SBF2: variants seen among roughly 807,000 people sequenced by gnomAD.
The protein encoded by SBF2 is SET binding factor 2, also known as myotubularin-related protein 13.
SBF2 carries 112 observed loss-of-function variants against 225.2 expected under a neutral mutation model. The ratio of observed to expected loss-of-function variants is 0.50; its 90% CI spans 0.43 to 0.58. The LOEUF is 0.58. Ranked by LOEUF, SBF2 falls within the 20% of genes least tolerant of loss-of-function variation. The pLI is 0.00. For synonymous variants in SBF2, 763 were observed against 773.3 expected, an observed-to-expected ratio of 0.99 and a Z score of 0.22; for missense variants, 1,996 against 2,206.2, an observed-to-expected ratio of 0.90 and a Z score of 1.91.
In SBF2 at chr11:9,916,726, A is replaced by G. The variant is rs923991150; in HGVS notation, c.1861-20715T>C. On this transcript the variant is annotated intron_variant, in intron 16 of 39. Coordinates refer to ENST00000256190, the MANE Select transcript of SBF2 (RefSeq NM_030962.4). ...GATCCTCCTGCTCAGCCTCCTGAGT[A>G]GCTGAGATTACACACATCTGGCTAA... 5.2e-4 allele frequency among the ~76,000 whole-genome samples: 79 copies of G among 151,356 alleles called. 1 individual carries two copies. Among genetic ancestry groups the G allele is most frequent in the Non-Finnish European group, 1.3e-4 (9 of 67,938 alleles).
chr11:10,203,383 C>T (rs142546433), intron 1 of SBF2, among the ~76,000 whole-genome samples: 17 of 152,274 alleles, frequency 1.1e-4, no homozygotes, highest in African/African-American at 4.1e-4. Context: ...GGTATTATTG[C>T]CTCAGTGTGA....
chr11:9,829,906 A>G (rs1247478754), intron 27 of SBF2, among the ~76,000 whole-genome samples: 5 of 152,354 alleles, frequency 3.3e-5, no homozygotes, highest in African/African-American at 1.2e-4. Context: ...ATTGCTTGGG[A>G]GTGGGTTCCT....
chr11:9,983,789 C>T (rs1947067162), intron 13 of SBF2, among the ~76,000 whole-genome samples: 1 of 152,164 alleles, frequency 6.6e-6, no homozygotes, highest in South Asian at 2.1e-4. Flanking sequence ...CAGCCTGGAG[C>T]CAGGGAGACT....
intron 1 of SBF2, among the ~76,000 whole-genome samples, chr11:10,257,269 T>C (rs970137563): frequency 1.3e-5 from 2 of 152,060 alleles, no homozygotes; most frequent in Non-Finnish European, 2.9e-5. Context: ...CCTACCTCTT[T>C]CCCCACAAAA....
At chr11:10,262,984 T>A (rs966977499) in intron 1 of SBF2, among the ~76,000 whole-genome samples, 5 of 152,094 alleles carry the variant, frequency 3.3e-5, no homozygotes, top group South Asian at 4.1e-4. Flanking sequence ...AGTAATGACA[T>A]TCTTTAAAAT....
At chr11:10,172,315 G>C (rs556945797) in intron 2 of SBF2, among the ~76,000 whole-genome samples, 1 of 151,562 alleles carries the variant, frequency 6.6e-6, no homozygotes, top group Admixed American at 6.6e-5. Context: ...TATTCCATAG[G>C]TTTTGGTATG....
intron 17 of SBF2, among the ~76,000 whole-genome samples, chr11:9,883,824 A>C (rs377468277): frequency 2.0e-5 from 3 of 152,170 alleles, no homozygotes; most frequent in East Asian, 3.8e-4. Flanking sequence ...TTAGAACCCT[A>C]AACTTACAGA....
chr11:10,063,365 TA>T (rs1950516655), intron 2 of SBF2, among the ~76,000 whole-genome samples: 3 of 109,654 alleles, frequency 2.7e-5, no homozygotes, highest in South Asian at 5.7e-4. Flanking sequence ...TTTTTTATTT[TA>T]TTTTTTTTTG....
intron 2 of SBF2, among the ~76,000 whole-genome samples, chr11:10,143,241 G>A (rs146104475): frequency 0.081 from 12,249 of 151,694 alleles, 664 homozygotes; most frequent in Middle Eastern, 0.12. Flanking sequence ...GCGCAATCTC[G>A]GCTCACCGTA....
chr11:10,217,035 G>A (rs552217722), intron 1 of SBF2, among the ~76,000 whole-genome samples: 1 of 152,234 alleles, frequency 6.6e-6, no homozygotes, highest in African/African-American at 2.4e-5. Context: ...CACTTTCCTT[G>A]CCTTTCATAG....
chr11:10,005,393 G>A lies in SBF2; in HGVS notation c.620-2704C>T, dbSNP rs984248794. Among the ~76,000 whole-genome samples the A allele has an allele frequency of 2.6e-5, 4 of 152,260 alleles. No homozygotes were observed. The East Asian group carries it at 7.7e-4, about 29-fold the overall frequency. On this transcript the variant is annotated intron_variant, in intron 6 of 39. Transcript: ENST00000256190. ...CACCCCAAGGGAAGAATCTGGGGAG[G>A]AGAGATGCAAGACCCCGGACACATG...
At chr11:10,075,180 T>C (rs1474532065) in intron 2 of SBF2, among the ~76,000 whole-genome samples, 2 of 152,240 alleles carry the variant, frequency 1.3e-5, no homozygotes, top group Non-Finnish European at 2.9e-5. Context: ...GACTCTTAAC[T>C]TAGGTTATAA....
chr11:10,054,945 T>C (rs1014275867), intron 2 of SBF2, among the ~76,000 whole-genome samples: 2 of 152,134 alleles, frequency 1.3e-5, no homozygotes, highest in Non-Finnish European at 1.5e-5. Flanking sequence ...AGTCTTGCCC[T>C]GTCACCCAAG....
At chr11:9,990,480 C>T (rs1793310974) in intron 12 of SBF2, among the ~76,000 whole-genome samples, 1 of 152,180 alleles carries the variant, frequency 6.6e-6, no homozygotes, top group Non-Finnish European at 1.5e-5. Context: ...GGAGCAAATG[C>T]TATTTTTCTA....
chr11:9,892,547 A>AATT (rs1461545032), intron 17 of SBF2, among the ~76,000 whole-genome samples: 3 of 147,706 alleles, frequency 2.0e-5, no homozygotes, highest in Non-Finnish European at 4.5e-5. Flanking sequence ...CTATCTGGAA[A>AATT]ATATATATAT....
At chr11:9,929,282 A>C (rs6483824) in intron 16 of SBF2, 49,969 of 174,024 alleles carry the variant, frequency 0.29, 8,517 homozygotes, top group African/African-American at 0.47. Context: ...AAACAAAAAA[A>C]AAAAAACCAT....
rs544339448 is a variant in SBF2 at position 10,055,255 on chromosome 11, G to T, written c.142-12274C>A. On this transcript the variant is annotated intron_variant, in intron 2 of 39. Coordinates refer to ENST00000256190, the MANE Select transcript of SBF2 (RefSeq NM_030962.4). ...AACAAAAGATGTTGGCATGGATGTG[G>T]TAAAAAGGGAACACTTATATGCTGC... is the stretch of plus-strand genomic sequence containing the variant. Among the ~76,000 whole-genome samples the T allele has an allele frequency of 8.5e-5, 13 of 152,198 alleles. 1 individual carries two copies. The South Asian group carries it at 2.7e-3, about 32-fold the overall frequency.
intron 1 of SBF2, among the ~76,000 whole-genome samples, chr11:10,301,856 T>A (rs1964601500): frequency 6.6e-6 from 1 of 152,230 alleles, no homozygotes; most frequent in African/African-American, 2.4e-5. Context: ...CCCTTTAGCA[T>A]ATGTGTATGT....
chr11:10,148,210 C>T (rs577534725), intron 2 of SBF2, among the ~76,000 whole-genome samples: 55 of 152,040 alleles, frequency 3.6e-4, no homozygotes, highest in Non-Finnish European at 7.2e-4. Context: ...TTGGGGGTGG[C>T]GGTGAGCAGG....
Sources: allele counts gnomAD v4.1 joint callset (sites outside exome capture counted in the v4.1 genomes callset), GRCh38; gene constraint gnomAD v4.1.1; transcripts MANE v1.5; gene names NCBI Gene and HGNC (gene_info 2026-07-23, HGNC 2026-07-21).